Variants in DNAH9 observed in about 807,000 individuals in gnomAD.
The protein encoded by DNAH9 is dynein axonemal heavy chain 9, also known as DNAH9 variant protein.
DNAH9 carries 345 observed loss-of-function variants against 471.6 expected under a neutral mutation model. The observed-to-expected ratio is 0.73, with a 90% confidence interval of 0.67 to 0.80. The LOEUF (loss-of-function observed/expected upper bound fraction) is 0.80, where lower values mean the gene tolerates loss of function less well. Ranked by LOEUF, DNAH9 falls within the 30% of genes least tolerant of loss-of-function variation. DNAH9 has a pLI of 0.00. For missense variants in DNAH9, 5,407 were observed against 5,609.2 expected (o/e 0.96, Z 1.15); for synonymous variants, 2,093 against 2,123.6 (o/e 0.99, Z 0.40).
At position 11,937,243 on chromosome 17, in the gene DNAH9, CCT is replaced by C; in HGVS notation, c.12490-108_12490-107del. 4 of 1,350,450 alleles carry C rather than the reference CCT, an allele frequency of 3.0e-6. No homozygotes were observed. Among genetic ancestry groups the C allele is most frequent in the South Asian group, 1.6e-5 (1 of 63,024 alleles). The allele number at this position is 1,350,450 out of a possible 1,614,324, so 83.7% of individuals were successfully genotyped here. On this transcript the variant is annotated intron_variant, in intron 65 of 68. Coordinates refer to ENST00000262442, the MANE Select transcript of DNAH9 (RefSeq NM_001372.4). This position sits in a 1 kb window ranked among gnomAD's most constrained non-coding sequence, Gnocchi z 4.1. ...CAACCAGGGATGGTGAGCAGTGTCCCCTGGAGGAGGGATACTAGCCCATGGAC... is the reference window on the plus strand; with the variant it reads ...CAACCAGGGATGGTGAGCAGTGTCCCGGAGGAGGGATACTAGCCCATGGAC...
intron 50 of DNAH9, among the ~76,000 whole-genome samples, chr17:11,866,454 C>A (rs981681851): frequency 1.3e-5 from 2 of 152,152 alleles, no homozygotes; most frequent in Non-Finnish European, 2.9e-5. Flanking sequence ...AGTTAGGCTG[C>A]TCAGGGGTCA....
chr17:11,930,224 G>T (rs1160718979), intron 63 of DNAH9, 131 bp downstream of exon 63: 2 of 789,514 alleles, frequency 2.5e-6, no homozygotes, highest in Non-Finnish European at 4.1e-6. Flanking sequence ...GCTGATGTGG[G>T]TAAAATGTTC....
chr17:11,636,835 A>C, intron 9 of DNAH9, 51 bp downstream of exon 9: 1 of 1,500,612 alleles, frequency 6.7e-7, no homozygotes, highest in Non-Finnish European at 9.3e-7. Flanking sequence ...ACTGGAAAGA[A>C]GCAACTCATT....
chr17:11,640,013 G>C (rs2073239949), intron 9 of DNAH9, among the ~76,000 whole-genome samples: 1 of 152,126 alleles, frequency 6.6e-6, no homozygotes, highest in Non-Finnish European at 1.5e-5. Context: ...AACACTCATG[G>C]CTGGGCCCCT....
chr17:11,709,632 A>G (rs533436536), intron 26 of DNAH9, among the ~76,000 whole-genome samples: 1 of 152,318 alleles, frequency 6.6e-6, no homozygotes, highest in South Asian at 2.1e-4. Flanking sequence ...TTGAATATAT[A>G]AATAGGTGCG....
In DNAH9 at chr17:11,960,435, T is replaced by TAAAAAAAAAAAAAAAAAA. The variant is rs3074845; in HGVS notation, c.12844-1422_12844-1405dup. ...TGGGTGACAGAGCAAGACTCTGTCTTAAAAAAAAAAAAAAAAAAAAAAAAA... is the reference window on the plus strand; with the variant it reads ...TGGGTGACAGAGCAAGACTCTGTCTTAAAAAAAAAAAAAAAAAAAAAAAAAAAAAAAAAAAAAAAAAAA... On this transcript the variant is annotated intron_variant, in intron 67 of 68. Coordinates refer to ENST00000262442, the MANE Select transcript of DNAH9 (RefSeq NM_001372.4). Among the ~76,000 whole-genome samples, 57 of 54,042 alleles carry TAAAAAAAAAAAAAAAAAA rather than the reference T, an allele frequency of 1.1e-3. 2 individuals carry two copies. The highest frequency in any genetic ancestry group is 4.4e-3 in the East Asian group (7 of 1,606). The allele number at this position is 54,042 out of a possible 152,430, so 35.5% of individuals were successfully genotyped here.
chr17:11,900,556 C>A (rs1329200759), intron 59 of DNAH9, among the ~76,000 whole-genome samples: 1 of 150,320 alleles, frequency 6.7e-6, no homozygotes, highest in Non-Finnish European at 1.5e-5. Context: ...CTCTGCCCAG[C>A]AGAATTCTAC....
At chr17:11,893,707 TCA>T (rs1567881456) in intron 58 of DNAH9, among the ~76,000 whole-genome samples, 2 of 151,728 alleles carry the variant, frequency 1.3e-5, no homozygotes, top group Non-Finnish European at 2.9e-5. Flanking sequence ...CTGGGGCCTG[TCA>T]GGGGGTGGAG....
chr17:11,799,887 C>G (rs1425710121), intron 43 of DNAH9, among the ~76,000 whole-genome samples: 1 of 152,112 alleles, frequency 6.6e-6, no homozygotes, highest in African/African-American at 2.4e-5. Flanking sequence ...GCCCAGCCCC[C>G]ACTATCTTCT....
At chr17:11,627,278 T>C (rs1318516309) in intron 6 of DNAH9, among the ~76,000 whole-genome samples, 4 of 152,210 alleles carry the variant, frequency 2.6e-5, no homozygotes, top group African/African-American at 7.2e-5. Context: ...CTAGGATAAA[T>C]TGAAGATCAA....
chr17:11,922,237 C>T, intron 61 of DNAH9, among the ~76,000 whole-genome samples: 1 of 152,084 alleles, frequency 6.6e-6, no homozygotes, highest in East Asian at 1.9e-4. Context: ...CACTTGTTTC[C>T]AAAAATTTTC....
intron 59 of DNAH9, among the ~76,000 whole-genome samples, chr17:11,901,710 CA>C (rs1222223189): frequency 3.3e-5 from 5 of 152,058 alleles, no homozygotes; most frequent in African/African-American, 4.8e-5. Context: ...CAAAACAAAA[CA>C]AAAAACACGC....
intron 50 of DNAH9, 127 bp from the exon 51 acceptor site, chr17:11,869,007 G>A: frequency 8.9e-7 from 1 of 1,119,310 alleles, no homozygotes. Context: ...TGCTTTCCCT[G>A]GTCCCATAGG....
At chr17:11,766,163 A>G (rs1378119949) in intron 36 of DNAH9, among the ~76,000 whole-genome samples, 3 of 152,138 alleles carry the variant, frequency 2.0e-5, no homozygotes, top group South Asian at 2.1e-4. Flanking sequence ...AAACACCAAA[A>G]ATAGTGCTGT....
At chr17:11,645,363 C>A (rs1420022379) in intron 11 of DNAH9, among the ~76,000 whole-genome samples, 1 of 152,204 alleles carries the variant, frequency 6.6e-6, no homozygotes, top group African/African-American at 2.4e-5. Context: ...AACTTCAAGT[C>A]CATCCACTCC....
At chr17:11,632,564 A>G in intron 7 of DNAH9, 23 bp from the exon 8 acceptor site, 1 of 1,147,002 alleles carries the variant, frequency 8.7e-7, no homozygotes, top group Non-Finnish European at 1.3e-6. Context: ...CGTTTTCCTT[A>G]TATATATATG....
chr17:11,853,978 T>A, intron 49 of DNAH9, 25 bp from the exon 50 acceptor site: 2 of 1,607,986 alleles, frequency 1.2e-6, no homozygotes, highest in Non-Finnish European at 1.7e-6. Context: ...CATGTTCCCC[T>A]AACCACCTCC....
chr17:11,727,006 C>T (rs1406016638), intron 27 of DNAH9, among the ~76,000 whole-genome samples: 6 of 139,758 alleles, frequency 4.3e-5, no homozygotes, highest in Non-Finnish European at 9.0e-5. Context: ...CAAGATCGCA[C>T]CACTGCACTC....
At chr17:11,800,144 C>G (rs1203726053) in intron 43 of DNAH9, among the ~76,000 whole-genome samples, 1 of 152,172 alleles carries the variant, frequency 6.6e-6, no homozygotes, top group East Asian at 1.9e-4. Context: ...TCTTATTTCA[C>G]TGGGATAATG....
Sources: allele counts gnomAD v4.1 joint callset (sites outside exome capture counted in the v4.1 genomes callset), GRCh38; gene constraint gnomAD v4.1.1; non-coding constraint Gnocchi (gnomAD v3.1); transcripts MANE v1.5; gene names NCBI Gene and HGNC (gene_info 2026-07-23, HGNC 2026-07-21).